RALA: variants seen among roughly 807,000 people sequenced by gnomAD.
RALA encodes ras-related protein Ral-A.
In RALA, 5 loss-of-function variants were observed where a neutral mutation model predicts 24.0. That is an observed-to-expected ratio of 0.21 (90% CI 0.11 to 0.44). The LOEUF is 0.44. Among genes scored for constraint, RALA ranks in the 20% least tolerant of loss-of-function variants. The probability of loss-of-function intolerance (pLI) is 0.99; values close to 1 mark genes in which losing one functional copy is unlikely to be tolerated. For missense variants in RALA, 95 were observed against 241.2 expected (o/e 0.39, Z 4.01); for synonymous variants, 77 against 83.8 (o/e 0.92, Z 0.44).
intron 1 of RALA, among the ~76,000 whole-genome samples, chr7:39,649,381 T>C (rs1454030877): frequency 1.3e-5 from 2 of 152,294 alleles, no homozygotes; most frequent in East Asian, 3.9e-4. Flanking sequence ...AAAATTCATG[T>C]TGAAACTTAA....
At chr7:39,656,671 T>A (rs997070503) in intron 1 of RALA, among the ~76,000 whole-genome samples, 1 of 152,218 alleles carries the variant, frequency 6.6e-6, no homozygotes, top group Non-Finnish European at 1.5e-5. Context: ...TGAAGGAAGT[T>A]AGTTGAACTC....
intron 1 of RALA, among the ~76,000 whole-genome samples, chr7:39,635,242 G>A (rs1384796029): frequency 3.3e-5 from 5 of 152,096 alleles, no homozygotes; most frequent in East Asian, 1.9e-4. Flanking sequence ...ATGGTGGCGC[G>A]TGCCTGTCTG....
intron 1 of RALA, among the ~76,000 whole-genome samples, chr7:39,654,139 C>T (rs1455795328): frequency 6.6e-6 from 1 of 152,250 alleles, no homozygotes; most frequent in Middle Eastern, 3.4e-3. Context: ...AGTCACATCA[C>T]CCTATCAGTA....
chr7:39,673,297 T>C (rs1162026705), intron 1 of RALA, among the ~76,000 whole-genome samples: 2 of 152,226 alleles, frequency 1.3e-5, no homozygotes, highest in African/African-American at 4.8e-5. Context: ...ACTAGGTTTT[T>C]TTTAATCATG....
In RALA at chr7:39,691,475, GGCAGTGGTTAGT is replaced by G. The variant is rs151312090; in HGVS notation, c.323+890_323+901del. Among the ~76,000 whole-genome samples the G allele has an allele frequency of 7.8e-3, 1,183 of 152,270 alleles. 15 individuals carry two copies. Among genetic ancestry groups the G allele is most frequent in the African/African-American group, 0.027 (1,108 of 41,546 alleles). On this transcript the variant is annotated intron_variant, in intron 3 of 4. Coordinates refer to ENST00000005257, the MANE Select transcript of RALA (RefSeq NM_005402.4). ...AAGTTAGTGACAAAGTAGGAACATG[GGCAGTGGTTAGT>G]GCAGAGGATCCGGGAGGGGAAAGAA...
intron 3 of RALA, among the ~76,000 whole-genome samples, chr7:39,694,923 C>T (rs1184738729): frequency 2.0e-5 from 3 of 151,640 alleles, no homozygotes; most frequent in African/African-American, 4.8e-5. Context: ...GGTGTGGTGG[C>T]GCGTGCCTAT....
chr7:39,653,896 C>G (rs1792056949), intron 1 of RALA, among the ~76,000 whole-genome samples: 1 of 152,192 alleles, frequency 6.6e-6, no homozygotes, highest in South Asian at 2.1e-4. Flanking sequence ...TTTTTTCCAT[C>G]TGAATATGTA....
At chr7:39,650,199 C>A (rs1032419317) in intron 1 of RALA, among the ~76,000 whole-genome samples, 2 of 152,134 alleles carry the variant, frequency 1.3e-5, no homozygotes, top group Non-Finnish European at 1.5e-5. Flanking sequence ...GTGGAAGCAT[C>A]GGGCTTACTA....
At chr7:39,638,440 G>A (rs983014533) in intron 1 of RALA, among the ~76,000 whole-genome samples, 5 of 152,258 alleles carry the variant, frequency 3.3e-5, no homozygotes, top group African/African-American at 1.2e-4. Context: ...GCATGTGTCA[G>A]TAGTTCTTTT....
intron 1 of RALA, among the ~76,000 whole-genome samples, chr7:39,682,288 G>C (rs966310669): frequency 6.6e-6 from 1 of 151,986 alleles, no homozygotes; most frequent in Non-Finnish European, 1.5e-5. Context: ...GTAGTTATAC[G>C]GGAACTGGTA....
chr7:39,635,570 C>T (rs1391396142), intron 1 of RALA, among the ~76,000 whole-genome samples: 1 of 152,156 alleles, frequency 6.6e-6, no homozygotes, highest in African/African-American at 2.4e-5. Flanking sequence ...TGGTCCCCAA[C>T]CTTATTGGCA....
chr7:39,628,249 G>A (rs1791528730), intron 1 of RALA, among the ~76,000 whole-genome samples: 2 of 152,018 alleles, frequency 1.3e-5, no homozygotes, highest in Non-Finnish European at 2.9e-5. Flanking sequence ...AAACCTTTAA[G>A]ACTGGGCTGA....
At chr7:39,635,754 C>T (rs1015130301) in intron 1 of RALA, among the ~76,000 whole-genome samples, 3 of 152,178 alleles carry the variant, frequency 2.0e-5, no homozygotes, top group African/African-American at 7.2e-5. Context: ...GTTTGTACTC[C>T]TATGAGAATC....
rs1168828926 is a variant in RALA, at chr7:39,697,264, G to C, written c.498+405G>C. 8 of 406,700 alleles carry C rather than the reference G, an allele frequency of 2.0e-5. No individual in the cohort carries two copies. The Admixed American group carries it at 2.3e-4, about 12-fold the overall frequency. The allele number at this position is 406,700 out of a possible 1,614,324, so 25.2% of individuals were successfully genotyped here. The stretch of plus-strand genomic sequence containing the variant: ...TCTTAAAAATAAGGGTACCTCCCAA[G>C]ATGAAGAAGCCCCCAGATAAGAGCG... On this transcript the variant is annotated intron_variant, in intron 4 of 4. Coordinates refer to ENST00000005257, the MANE Select transcript of RALA (RefSeq NM_005402.4).
At position 39,690,539 on chromosome 7, in the gene RALA, G is replaced by A. The variant is rs1422580576; in HGVS notation, c.272G>A (p.Cys91Tyr). 6.2e-7 allele frequency: 1 copy of A among 1,613,840 alleles called. No individual in the cohort carries two copies. The highest frequency in any genetic ancestry group is 1.3e-5 in the African/African-American group (1 of 74,894). The change falls in exon 3 of 5, where the codon TGT (cysteine) becomes TAT (tyrosine). Residue 91 changes from cysteine (C) to tyrosine (Y), a missense_variant. Coordinates refer to ENST00000005257, the MANE Select transcript of RALA (RefSeq NM_005402.4). ...TTCCGAAGTGGGGAGGGGTTCCTCTGTGTTTTCTCTATTACAGAAATGGAA... is the reference window on the plus strand; with the variant it reads ...TTCCGAAGTGGGGAGGGGTTCCTCTATGTTTTCTCTATTACAGAAATGGAA... ...NYFRSGEGFL[C>Y]VFSITEMESF... is the part of the protein sequence containing the mutation.
chr7:39,658,634 G>A (rs1242829082), intron 1 of RALA, among the ~76,000 whole-genome samples: 2 of 151,966 alleles, frequency 1.3e-5, no homozygotes, highest in African/African-American at 2.4e-5. Context: ...AGTGAATTAG[G>A]ATCTTCATGG....
chr7:39,688,254 T>C (rs374469733), intron 2 of RALA, among the ~76,000 whole-genome samples: 2 of 152,100 alleles, frequency 1.3e-5, no homozygotes, highest in East Asian at 3.9e-4. Context: ...ATTAAAAAAT[T>C]AGCTGGGCGT....
chr7:39,630,896 G>A (rs1360478381), intron 1 of RALA, among the ~76,000 whole-genome samples: 1 of 152,006 alleles, frequency 6.6e-6, no homozygotes, highest in African/African-American at 2.4e-5. Context: ...TGTTTGGTAG[G>A]GCTAGTCACC....
intron 1 of RALA, among the ~76,000 whole-genome samples, chr7:39,677,059 G>T (rs1272665658): frequency 1.3e-5 from 2 of 152,228 alleles, no homozygotes; most frequent in African/African-American, 2.4e-5. Flanking sequence ...AAGGGAAGTA[G>T]AGGGAGGTTT....
Sources: allele counts gnomAD v4.1 joint callset (sites outside exome capture counted in the v4.1 genomes callset), GRCh38; gene constraint gnomAD v4.1.1; transcripts MANE v1.5; gene names NCBI Gene and HGNC (gene_info 2026-07-23, HGNC 2026-07-21).